The following DMD variants were observed in gnomAD, a reference collection of about 807,000 sequenced individuals.
The protein encoded by DMD is mutant dystrophin.
Under a neutral mutation model 330.1 loss-of-function variants are expected in DMD, and 63 were observed. The observed-to-expected ratio is 0.19, with a 90% CI of 0.16 to 0.24. The LOEUF is 0.24. Ranked by LOEUF, DMD falls within the 10% of genes least tolerant of loss-of-function variation. The pLI is 1.00. For synonymous variants in DMD, 1,223 were observed against 959.8 expected, an observed-to-expected ratio of 1.27 and a Z score of -5.07; for missense variants, 3,344 against 2,684.1, an observed-to-expected ratio of 1.25 and a Z score of -5.43.
At chrX:32,441,092 T>C (rs776638008) in intron 28 of DMD, 88 bp downstream of exon 28, 1 of 1,024,253 alleles carries the variant, frequency 9.8e-7, no homozygotes, top group East Asian at 3.1e-5. Context: ...TCTTGGGTTG[T>C]TTTCTTTGGA....
intron 41 of DMD, among the ~76,000 whole-genome samples, chrX:32,339,284 C>A (rs2097730075): frequency 8.9e-6 from 1 of 111,861 alleles, no homozygotes; most frequent in African/African-American, 3.2e-5. Flanking sequence ...GATAGTACAT[C>A]CTATAGAACT....
intron 47 of DMD, among the ~76,000 whole-genome samples, chrX:31,901,198 C>G (rs761925190): frequency 8.9e-6 from 1 of 111,892 alleles, no homozygotes; most frequent in East Asian, 2.8e-4. Context: ...TAACCACAAC[C>G]ACCGCCCTTA....
At chrX:32,478,742 G>A (rs987437462) in intron 21 of DMD, among the ~76,000 whole-genome samples, 1 of 111,352 alleles carries the variant, frequency 9.0e-6, no homozygotes, top group Non-Finnish European at 1.9e-5. Context: ...ATTACTTCAC[G>A]CCTTTTTGCT....
intron 7 of DMD, among the ~76,000 whole-genome samples, chrX:32,719,061 T>C (rs1052517262): frequency 9.0e-6 from 1 of 111,636 alleles, no homozygotes; most frequent in Non-Finnish European, 1.9e-5. Flanking sequence ...CTAGAGAAGG[T>C]AGGCAAATAG....
At chrX:33,232,420 AG>A (rs1280345003) in intron 1 of DMD, among the ~76,000 whole-genome samples, 1 of 112,157 alleles carries the variant, frequency 8.9e-6, no homozygotes, top group Non-Finnish European at 1.9e-5. Flanking sequence ...AATGTTACAA[AG>A]GTTCAAGAAG....
chrX:32,474,551 C>T (rs1210489824), intron 21 of DMD, among the ~76,000 whole-genome samples: 1 of 111,772 alleles, frequency 8.9e-6, no homozygotes, highest in African/African-American at 3.3e-5. Flanking sequence ...TGATTATGGT[C>T]ATTCTTGCAA....
intron 2 of DMD, among the ~76,000 whole-genome samples, chrX:32,954,729 T>A (rs926182693): frequency 1.3e-4 from 14 of 110,821 alleles, no homozygotes; most frequent in African/African-American, 4.3e-4. Context: ...TGTATGTTAT[T>A]CCCCTCTAAG....
intron 21 of DMD, among the ~76,000 whole-genome samples, chrX:32,482,292 G>A (rs1313403388): frequency 9.0e-6 from 1 of 110,959 alleles, no homozygotes; most frequent in Non-Finnish European, 1.9e-5. Context: ...CAACTGTCAT[G>A]GGAAACAATT....
intron 7 of DMD, among the ~76,000 whole-genome samples, chrX:32,762,055 C>G (rs2072374209): frequency 9.3e-6 from 1 of 107,797 alleles, no homozygotes; most frequent in Admixed American, 1.0e-4. Context: ...GAGGCTGAGA[C>G]AGGAGGAATC....
At chrX:31,344,503 A>G (rs2057971948) in intron 61 of DMD, among the ~76,000 whole-genome samples, 1 of 111,544 alleles carries the variant, frequency 9.0e-6, no homozygotes, top group Non-Finnish European at 1.9e-5. Flanking sequence ...GTTTTAAGGG[A>G]AAAAAGCAGC....
intron 60 of DMD, among the ~76,000 whole-genome samples, chrX:31,370,427 C>T (rs186451337): frequency 5.0e-4 from 56 of 111,734 alleles, no homozygotes; most frequent in African/African-American, 1.8e-3. Flanking sequence ...CAAACAAGTA[C>T]AGGAAAAGTT....
At chrX:32,420,968 G>A (rs1305838151) in intron 29 of DMD, among the ~76,000 whole-genome samples, 1 of 111,428 alleles carries the variant, frequency 9.0e-6, no homozygotes, top group East Asian at 2.8e-4. Flanking sequence ...GGACTACAGT[G>A]CCATGGATTT....
intron 6 of DMD, among the ~76,000 whole-genome samples, chrX:32,813,838 C>G (rs1258456606): frequency 1.8e-5 from 2 of 111,516 alleles, no homozygotes; most frequent in Non-Finnish European, 3.8e-5. Flanking sequence ...GAGGTATACT[C>G]ATACCATTTA....
intron 7 of DMD, among the ~76,000 whole-genome samples, chrX:32,774,741 C>G (rs1041274421): frequency 2.7e-5 from 3 of 111,201 alleles, no homozygotes; most frequent in Admixed American, 9.6e-5. Flanking sequence ...CAATTTGAGA[C>G]AAAATTTGGG....
chrX:33,030,204 G>A (rs961681220), intron 1 of DMD, among the ~76,000 whole-genome samples: 1 of 111,493 alleles, frequency 9.0e-6, no homozygotes, highest in East Asian at 2.8e-4. Flanking sequence ...ACAACTTCCC[G>A]TGGGTCTTCT....
chrX:31,508,369 C>A, intron 55 of DMD: 1 of 701,269 alleles, frequency 1.4e-6, no homozygotes, highest in Non-Finnish European at 2.1e-6. Flanking sequence ...AATTTTGGAG[C>A]ACAGGCCTCA....
chrX:33,161,069 G>A (rs748747922), intron 1 of DMD, among the ~76,000 whole-genome samples: 5 of 111,553 alleles, frequency 4.5e-5, no homozygotes, highest in African/African-American at 6.5e-5. Context: ...AATACGTCAC[G>A]TATCTCATTA....
chrX:32,601,290 C>T (rs975538907), intron 12 of DMD, among the ~76,000 whole-genome samples: 1 of 112,015 alleles, frequency 8.9e-6, no homozygotes, highest in Admixed American at 9.5e-5. Flanking sequence ...TCTTCCTCAA[C>T]AGGCTACCCT....
chrX:32,146,733 A>G (rs1354961678), intron 44 of DMD, among the ~76,000 whole-genome samples: 4 of 112,327 alleles, frequency 3.6e-5, no homozygotes, highest in Non-Finnish European at 5.6e-5. Context: ...GCAATCATCC[A>G]TTAAGCACCC....
Sources: gnomAD v4.1 joint callset for allele counts (sites outside exome capture counted in the v4.1 genomes callset) on GRCh38, gnomAD v4.1.1 for gene constraint, MANE v1.5 for transcripts, NCBI Gene and HGNC (gene_info 2026-07-23, HGNC 2026-07-21) for gene names.